Variants in INTS6L observed in about 807,000 individuals in gnomAD.
INTS6L encodes integrator complex subunit 6-like.
INTS6L carries 18 observed loss-of-function variants against 64.7 expected under a neutral mutation model. The observed-to-expected ratio is 0.28, with a 90% CI of 0.19 to 0.41. The LOEUF (loss-of-function observed/expected upper bound fraction) is 0.41. Among genes scored for constraint, INTS6L ranks in the 10% least tolerant of loss-of-function variants. The probability of loss-of-function intolerance (pLI) is 1.00; values close to 1 mark genes in which losing one functional copy is unlikely to be tolerated. For missense variants in INTS6L, 533 were observed against 661.0 expected, an observed-to-expected ratio of 0.81 and a Z score of 2.12; for synonymous variants, 227 against 235.9, an observed-to-expected ratio of 0.96 and a Z score of 0.34.
intron 5 of INTS6L, 111 bp from the exon 6 acceptor site, chrX:135,547,026 C>T (rs1193504847): frequency 9.0e-7 from 1 of 1,106,056 alleles, no homozygotes; most frequent in Admixed American, 2.7e-5. Flanking sequence ...GGTATATTTG[C>T]TGCCAATGTA....
At chrX:135,554,679 T>C (rs535780804) in intron 8 of INTS6L, among the ~76,000 whole-genome samples, 1 of 109,891 alleles carries the variant, frequency 9.1e-6, no homozygotes, top group African/African-American at 3.3e-5. Flanking sequence ...TCTCTAAAAG[T>C]ATATATTGGT....
chrX:135,549,851 A>G (rs1556516488), intron 7 of INTS6L, 46 bp downstream of exon 7: 5 of 1,183,783 alleles, frequency 4.2e-6, no homozygotes, highest in Non-Finnish European at 5.7e-6. Flanking sequence ...TGGATTTTCA[A>G]TTTTCTGATT....
intron 2 of INTS6L, among the ~76,000 whole-genome samples, chrX:135,523,880 A>G (rs189036964): frequency 8.9e-5 from 10 of 112,031 alleles, no homozygotes; most frequent in African/African-American, 2.9e-4. Context: ...TTCCTTATGT[A>G]GGTCAGATAT....
chrX:135,546,136 G>A lies in INTS6L; in HGVS notation c.340-244G>A, dbSNP rs372646007. 6.2e-4 allele frequency among the ~76,000 whole-genome samples: 69 copies of A among 111,947 alleles called. No homozygotes were observed. In the South Asian group the frequency reaches 0.025, roughly 40 times the overall value. On this transcript the variant is annotated intron_variant, in intron 3 of 17. Transcript: ENST00000639893. ...TTACTTGGAAAGCAGAGTGAGAGAGGTATTTGAATGTTAATGGTTTGGGGA... is the reference window on the plus strand; with the variant it reads ...TTACTTGGAAAGCAGAGTGAGAGAGATATTTGAATGTTAATGGTTTGGGGA...
chrX:135,534,109 T>TG (rs1367671762), intron 2 of INTS6L, among the ~76,000 whole-genome samples: 5 of 110,729 alleles, frequency 4.5e-5, no homozygotes, highest in African/African-American at 9.9e-5. Context: ...CTTTGAGAAG[T>TG]GTGCTGCTTC....
intron 13 of INTS6L, among the ~76,000 whole-genome samples, chrX:135,574,880 G>A (rs1301797424): frequency 8.9e-6 from 1 of 112,170 alleles, no homozygotes; most frequent in Non-Finnish European, 1.9e-5. Flanking sequence ...CTAGCGATGT[G>A]AGCCTGTAGG....
intron 16 of INTS6L, among the ~76,000 whole-genome samples, chrX:135,580,367 T>C (rs781953046): frequency 1.8e-5 from 2 of 112,472 alleles, no homozygotes; most frequent in South Asian, 7.4e-4. Context: ...AATGTTTCCT[T>C]TTGCTGCCGT....
chrX:135,549,597 T>C, intron 6 of INTS6L, 45 bp from the exon 7 acceptor site: 2 of 1,173,427 alleles, frequency 1.7e-6, no homozygotes, highest in Non-Finnish European at 2.3e-6. Context: ...TCAGCAGCTG[T>C]AAAAAGAAAC....
chrX:135,580,272 C>A, intron 16 of INTS6L, 110 bp downstream of exon 16: 1 of 948,637 alleles, frequency 1.1e-6, no homozygotes, highest in South Asian at 3.1e-5. Flanking sequence ...CAATATTGGG[C>A]TTTCACATAG....
intron 2 of INTS6L, among the ~76,000 whole-genome samples, chrX:135,529,058 G>A (rs782509058): frequency 3.6e-5 from 4 of 111,773 alleles, no homozygotes; most frequent in Non-Finnish European, 7.5e-5. Flanking sequence ...GGTTGGGTTA[G>A]AAGTCTTTTC....
At chrX:135,580,773 G>T (rs1439921015) in intron 16 of INTS6L, among the ~76,000 whole-genome samples, 1 of 112,657 alleles carries the variant, frequency 8.9e-6, no homozygotes, top group African/African-American at 3.2e-5. Flanking sequence ...CACCTGCAAA[G>T]TAAAGTCTTT....
At position 135,579,780 on chromosome X, in the gene INTS6L, G is replaced by T. The variant is rs544613624; in HGVS notation, c.2120-8G>T. The T allele has an allele frequency of 5.6e-4, 656 of 1,169,233 alleles. 3 individuals are homozygous for T. The South Asian group carries it at 0.012, about 22-fold the overall frequency. On this transcript the variant is annotated splice_polypyrimidine_tract_variant and splice_region_variant and intron_variant, in intron 15 of 17. Coordinates refer to ENST00000639893, the MANE Select transcript of INTS6L (RefSeq NM_001351601.3). ...CCTCACAGCTCAACCTCTTCATTTG[G>T]TTTCCAGATGCTACTATCATTCACG...
chrX:135,540,127 A>G (rs2086165579), intron 2 of INTS6L, among the ~76,000 whole-genome samples: 1 of 112,350 alleles, frequency 8.9e-6, no homozygotes, highest in Non-Finnish European at 1.9e-5. Context: ...AATAAAGCAA[A>G]GCACCATAAA....
chrX:135,540,396 A>G, intron 2 of INTS6L, among the ~76,000 whole-genome samples: 1 of 112,120 alleles, frequency 8.9e-6, no homozygotes, highest in Non-Finnish European at 1.9e-5. Flanking sequence ...AGTTCCTAAC[A>G]TATAAGCACT....
At chrX:135,522,050 C>CA (rs1191312692) in intron 2 of INTS6L, among the ~76,000 whole-genome samples, 1 of 111,376 alleles carries the variant, frequency 9.0e-6, no homozygotes, top group Non-Finnish European at 1.9e-5. Context: ...TCCGCGACGC[C>CA]AGTCTCCCCA....
chrX:135,570,593 GTGCA>G, intron 11 of INTS6L, 47 bp downstream of exon 11: 1 of 1,135,489 alleles, frequency 8.8e-7, no homozygotes, highest in South Asian at 2.0e-5. Flanking sequence ...GCCCTCAGAA[GTGCA>G]TTTCCTTATT....
At chrX:135,549,000 G>A (rs782314698) in intron 6 of INTS6L, among the ~76,000 whole-genome samples, 38 of 111,895 alleles carry the variant, frequency 3.4e-4, no homozygotes, top group African/African-American at 1.2e-3. Context: ...TTTGATGGTG[G>A]ATGGAGAAAC....
chrX:135,557,350 C>T (rs992325019), intron 9 of INTS6L, among the ~76,000 whole-genome samples: 7 of 111,494 alleles, frequency 6.3e-5, no homozygotes, highest in Non-Finnish European at 1.1e-4. Context: ...TCTTCACTAA[C>T]ACTGTTAATG....
Position 135,572,649 on chromosome X carries a change from T to C in INTS6L, c.1399-166T>C, listed in dbSNP as rs1368619359. 19 of 418,822 alleles carry C rather than the reference T, an allele frequency of 4.5e-5. No individual in the cohort carries two copies. In the Admixed American group the frequency reaches 8.9e-4, roughly 20 times the overall value. The allele number at this position is 418,822 out of a possible 1,213,427, so 34.5% of individuals were successfully genotyped here. A position where few individuals can be genotyped will look rare whatever the true frequency, so the allele number is the denominator to read the frequency against. On this transcript the variant is annotated intron_variant, in intron 11 of 17. Transcript: ENST00000639893. ...TCTTTCCTGCCCCCTATCTGTTTGC[T>C]GTGATAGTGCAAAGAAGCACAGGAA... is the stretch of plus-strand genomic sequence containing the variant.
Sources: gnomAD v4.1 joint callset for allele counts (sites outside exome capture counted in the v4.1 genomes callset) on GRCh38, gnomAD v4.1.1 for gene constraint, MANE v1.5 for transcripts, NCBI Gene and HGNC (gene_info 2026-07-23, HGNC 2026-07-21) for gene names.